DNAAF4: variants seen among roughly 807,000 people sequenced by gnomAD.
The protein encoded by DNAAF4 is dynein axonemal assembly factor 4, also known as dynein assembly factor 4, axonemal.
DNAAF4 carries 43 observed loss-of-function variants against 51.8 expected under a neutral mutation model. That is an observed-to-expected ratio of 0.83 (90% confidence interval 0.65 to 1.07). The LOEUF (loss-of-function observed/expected upper bound fraction) is 1.07. Among genes scored for constraint, DNAAF4 ranks in the 50% least tolerant of loss-of-function variants. DNAAF4 has a pLI of 0.00. For synonymous variants in DNAAF4, 194 were observed against 165.6 expected (o/e 1.17, Z -1.32); for missense variants, 581 against 493.0 (o/e 1.18, Z -1.69).
At chr15:55,444,610 G>A (rs1212240213) in intron 6 of DNAAF4, among the ~76,000 whole-genome samples, 2 of 152,116 alleles carry the variant, frequency 1.3e-5, no homozygotes, top group African/African-American at 4.8e-5. Flanking sequence ...GATGGGGATG[G>A]CATTGAATCT....
intron 4 of DNAAF4, among the ~76,000 whole-genome samples, chr15:55,475,591 C>T (rs936407374): frequency 6.6e-5 from 10 of 152,196 alleles, no homozygotes; most frequent in Admixed American, 2.6e-4. Context: ...AGCATCCTTA[C>T]TCCAAAAATC....
chr15:55,438,858 T>C (rs2057661665), intron 7 of DNAAF4, among the ~76,000 whole-genome samples: 1 of 152,078 alleles, frequency 6.6e-6, no homozygotes, highest in African/African-American at 2.4e-5. Context: ...CCCGTTTTTA[T>C]GGGAGACATC....
intron 9 of DNAAF4, among the ~76,000 whole-genome samples, chr15:55,431,985 C>A (rs188390118): frequency 6.7e-6 from 1 of 149,224 alleles, no homozygotes; most frequent in African/African-American, 2.5e-5. Context: ...GAAGGAGTTT[C>A]GCTGTTGTTG....
At chr15:55,418,670 A>G in intron 7 of DNAAF4, 1 of 837,732 alleles carries the variant, frequency 1.2e-6, no homozygotes, top group South Asian at 2.2e-5. Flanking sequence ...AAAGTTTTGA[A>G]TCAATTTTTA....
At chr15:55,483,697 C>T (rs192521675) in intron 4 of DNAAF4, among the ~76,000 whole-genome samples, 3 of 151,708 alleles carry the variant, frequency 2.0e-5, no homozygotes, top group East Asian at 3.9e-4. Flanking sequence ...CACACCACCA[C>T]ACACGGCTAA....
intron 4 of DNAAF4, among the ~76,000 whole-genome samples, chr15:55,484,965 T>A (rs2058466571): frequency 6.6e-6 from 1 of 152,198 alleles, no homozygotes; most frequent in Non-Finnish European, 1.5e-5. Context: ...TTAATTTCCT[T>A]TGGCAACACC....
intron 5 of DNAAF4, among the ~76,000 whole-genome samples, chr15:55,452,430 A>G (rs2057950609): frequency 6.6e-6 from 1 of 151,964 alleles, no homozygotes; most frequent in African/African-American, 2.4e-5. Context: ...CTATATTGCT[A>G]CAGAAAAACA....
At chr15:55,468,532 C>T (rs1385306509) in intron 4 of DNAAF4, among the ~76,000 whole-genome samples, 1 of 152,124 alleles carries the variant, frequency 6.6e-6, no homozygotes, top group African/African-American at 2.4e-5. Flanking sequence ...TTAAATGCCT[C>T]ACAATAAGGC....
chr15:55,474,933 C>A (rs528166136), intron 4 of DNAAF4, among the ~76,000 whole-genome samples: 2 of 151,410 alleles, frequency 1.3e-5, no homozygotes, highest in African/African-American at 4.9e-5. Context: ...GAGCCAAGAT[C>A]GCGCCACTGC....
At chr15:55,505,424 A>ACC (rs2058721764) in intron 1 of DNAAF4, among the ~76,000 whole-genome samples, 4 of 152,146 alleles carry the variant, frequency 2.6e-5, no homozygotes, top group Admixed American at 2.0e-4. Flanking sequence ...CTGGGTATAT[A>ACC]TAAAAGATTA....
At chr15:55,476,408 G>A (rs1200491688) in intron 4 of DNAAF4, among the ~76,000 whole-genome samples, 1 of 152,044 alleles carries the variant, frequency 6.6e-6, no homozygotes, top group East Asian at 1.9e-4. Flanking sequence ...AGCTATGAAT[G>A]TACCACTGCA....
downstream of DNAAF4, among the ~76,000 whole-genome samples, chr15:55,426,824 G>T (rs962696868): frequency 2.0e-5 from 3 of 152,178 alleles, no homozygotes; most frequent in African/African-American, 7.2e-5. Flanking sequence ...AGTCCTCACT[G>T]TTTTAACTCT....
At chr15:55,431,023 T>C (rs1208741970) in intron 9 of DNAAF4, among the ~76,000 whole-genome samples, 2 of 151,516 alleles carry the variant, frequency 1.3e-5, no homozygotes, top group Non-Finnish European at 2.9e-5. Context: ...ACACCATTCT[T>C]CTGCCTCAGC....
At position 55,430,645 on chromosome 15, in the gene DNAAF4, A is replaced by C. The variant is rs762144470; in HGVS notation, c.*25T>G. Reference sequence around the variant, plus strand: ...CAGTTGTTTTTAAAAAACTTATAACAATACTTAGTTACTTCTAATAGTCAT... The same window carrying C: ...CAGTTGTTTTTAAAAAACTTATAACCATACTTAGTTACTTCTAATAGTCAT... On this transcript the variant is annotated 3_prime_UTR_variant, in exon 10 of 10. Transcript: ENST00000321149. The C allele has an allele frequency of 6.2e-7, 1 of 1,604,796 alleles. No individual in the cohort carries two copies. The highest frequency in any genetic ancestry group is 8.5e-7 in the Non-Finnish European group (1 of 1,176,208).
intron 6 of DNAAF4, among the ~76,000 whole-genome samples, chr15:55,444,613 T>A (rs973220900): frequency 6.6e-6 from 1 of 152,202 alleles, no homozygotes; most frequent in Non-Finnish European, 1.5e-5. Context: ...GGGGATGGCA[T>A]TGAATCTATA....
At chr15:55,503,318 G>A (rs937855287) in intron 1 of DNAAF4, among the ~76,000 whole-genome samples, 3 of 152,126 alleles carry the variant, frequency 2.0e-5, no homozygotes, top group Non-Finnish European at 4.4e-5. Flanking sequence ...AGGACCAGAC[G>A]GATTCAGAGC....
chr15:55,449,241 C>A (rs1292997520), intron 6 of DNAAF4, among the ~76,000 whole-genome samples: 1 of 150,946 alleles, frequency 6.6e-6, no homozygotes, highest in Non-Finnish European at 1.5e-5. Flanking sequence ...CCACCCACCT[C>A]GGCCTCCCAA....
rs753944825 is a variant in DNAAF4, at chr15:55,434,895, A to G, written c.1047+10T>C. 2 of 1,594,164 alleles carry G rather than the reference A, an allele frequency of 1.3e-6. No individual in the cohort carries two copies. The highest frequency in any genetic ancestry group is 1.8e-5 in the Admixed American group (1 of 54,160). ...TTAAAGCACCATATATCATACATAG[A>G]TATCCATACCTTAGAAGAATCTTCA... On this transcript the variant is annotated intron_variant, in intron 8 of 9. Transcript: ENST00000321149.
At chr15:55,498,180 A>G in intron 2 of DNAAF4, 27 bp downstream of exon 2, 4 of 1,614,004 alleles carry the variant, frequency 2.5e-6, no homozygotes, top group Non-Finnish European at 3.4e-6. Flanking sequence ...ACCCCCGGAG[A>G]CCGGCAGGCA....
Sources: gnomAD v4.1 joint callset for allele counts (sites outside exome capture counted in the v4.1 genomes callset) on GRCh38, gnomAD v4.1.1 for gene constraint, MANE v1.5 for transcripts, NCBI Gene and HGNC (gene_info 2026-07-23, HGNC 2026-07-21) for gene names.